Variants in THSD4 observed in about 807,000 individuals in gnomAD.
THSD4 encodes thrombospondin type-1 domain-containing protein 4.
In THSD4, 69 loss-of-function variants were observed where a neutral mutation model predicts 119.0. The ratio of observed to expected loss-of-function variants is 0.58; its 90% CI spans 0.48 to 0.71. The LOEUF is 0.71. Ranked by LOEUF, THSD4 falls within the 30% of genes least tolerant of loss-of-function variation. The pLI, the probability that THSD4 is intolerant of heterozygous loss-of-function variation, is 0.00. For missense variants in THSD4, 1,393 were observed against 1,391.1 expected, an observed-to-expected ratio of 1.00 and a Z score of -0.02; for synonymous variants, 524 against 540.4, an observed-to-expected ratio of 0.97 and a Z score of 0.42.
At chr15:71,301,446 A>C (rs957141230) in intron 6 of THSD4, among the ~76,000 whole-genome samples, 2 of 152,200 alleles carry the variant, frequency 1.3e-5, no homozygotes, top group African/African-American at 4.8e-5. Context: ...GCTATTTAAA[A>C]CAATGTGACT....
chr15:71,297,603 G>A (rs931656876), intron 6 of THSD4, among the ~76,000 whole-genome samples: 1 of 152,072 alleles, frequency 6.6e-6, no homozygotes, highest in African/African-American at 2.4e-5. Flanking sequence ...CAAAGTGCTG[G>A]GATTACAGAC....
At position 71,317,796 on chromosome 15, in the gene THSD4, A is replaced by G. The variant is rs895562530; in HGVS notation, c.1015+61081A>G. ...ACTTAGTATTGACATTTGACAAATT[A>G]CTCAGCCTCTTCCAGGTTTATTTTC... On this transcript the variant is annotated intron_variant, in intron 6 of 17. Transcript: ENST00000261862. Among the ~76,000 whole-genome samples the G allele has an allele frequency of 3.7e-4, 56 of 152,330 alleles. 1 individual carries two copies. The highest frequency in any genetic ancestry group is 1.3e-3 in the African/African-American group (55 of 41,572).
chr15:71,249,339 C>T (rs1400948847), intron 5 of THSD4, among the ~76,000 whole-genome samples: 1 of 150,886 alleles, frequency 6.6e-6, no homozygotes, highest in Non-Finnish European at 1.5e-5. Flanking sequence ...TATACACACA[C>T]TTTTATATAC....
chr15:71,481,003 A>C lies in THSD4; in HGVS notation c.1152+69180A>C, dbSNP rs2047722512. ...AATGTCAAATAGTATACAAAGTTTT[A>C]ATTTTTATGCCTGTGACCAGACCAC... On this transcript the variant is annotated intron_variant, in intron 7 of 17. Transcript: ENST00000261862. Among the ~76,000 whole-genome samples, 3 of 152,314 alleles carry C rather than the reference A, an allele frequency of 2.0e-5. No homozygotes were observed. In the South Asian group the frequency reaches 6.2e-4, roughly 32 times the overall value.
intron 7 of THSD4, among the ~76,000 whole-genome samples, chr15:71,422,767 C>A (rs911630375): frequency 1.1e-4 from 16 of 152,284 alleles, no homozygotes; most frequent in Middle Eastern, 3.4e-3. Flanking sequence ...TGTGTCCTTC[C>A]CTTTAGGGTG....
intron 7 of THSD4, among the ~76,000 whole-genome samples, chr15:71,442,658 G>A (rs7177167): frequency 0.19 from 5,986 of 31,226 alleles, 1,388 homozygotes; most frequent in South Asian, 0.28. Flanking sequence ...GTGTGTGTGT[G>A]TGTATATATA....
intron 3 of THSD4, among the ~76,000 whole-genome samples, chr15:71,172,746 A>AT (rs2043393554): frequency 9.4e-6 from 1 of 106,542 alleles, no homozygotes; most frequent in Non-Finnish European, 1.9e-5. Flanking sequence ...TGGACAATTG[A>AT]TTTTTTATAA....
intron 1 of THSD4, among the ~76,000 whole-genome samples, chr15:71,132,093 T>C (rs1433771988): frequency 6.6e-6 from 1 of 152,236 alleles, no homozygotes; most frequent in Non-Finnish European, 1.5e-5. Flanking sequence ...ATTGCAATCA[T>C]AGCATTATTG....
chr15:71,111,076 C>G, upstream of THSD4: 1 of 1,486,206 alleles, frequency 6.7e-7, no homozygotes, highest in Non-Finnish European at 9.0e-7. Context: ...TTATCATTTG[C>G]AAAGAGGAAA....
chr15:71,257,125 A>G (rs1230385705), intron 6 of THSD4, among the ~76,000 whole-genome samples: 4 of 152,112 alleles, frequency 2.6e-5, no homozygotes, highest in Non-Finnish European at 4.4e-5. Flanking sequence ...GGGGTTGTAC[A>G]GTTGTATGGT....
Position 71,203,975 on chromosome 15 carries a change from CCTCTGGGTCCAGAAGCCAGCA to C in THSD4, c.100-11055_100-11035del, listed in dbSNP as rs2043823720. 2.6e-5 allele frequency among the ~76,000 whole-genome samples: 4 copies of C among 152,186 alleles called. No homozygotes were observed. The South Asian group carries it at 8.3e-4, about 32-fold the overall frequency. On this transcript the variant is annotated intron_variant, in intron 3 of 17. Transcript: ENST00000261862. ...AGAAGATTGCTGTTCCCCGAATCAG[CCTCTGGGTCCAGAAGCCAGCA>C]CTCTTTATTTCATGCATTACTCATT...
upstream of THSD4, chr15:71,111,589 C>T (rs76640900): frequency 3.8e-3 from 2,340 of 622,674 alleles, 46 homozygotes; most frequent in African/African-American, 0.038. Flanking sequence ...TTGCTGGGCA[C>T]AGGCTTGCCT....
chr15:71,308,030 T>C (rs2045055553), intron 6 of THSD4, among the ~76,000 whole-genome samples: 1 of 152,148 alleles, frequency 6.6e-6, no homozygotes, highest in African/African-American at 2.4e-5. Context: ...GGGCCAGTCA[T>C]AGAAGCATGC....
chr15:71,189,827 G>A (rs974658511), intron 3 of THSD4, among the ~76,000 whole-genome samples: 1 of 152,084 alleles, frequency 6.6e-6, no homozygotes, highest in Admixed American at 6.5e-5. Flanking sequence ...CACAGATTCT[G>A]GGCTTCCACC....
intron 7 of THSD4, among the ~76,000 whole-genome samples, chr15:71,553,890 T>C (rs1052477993): frequency 8.5e-5 from 13 of 152,310 alleles, no homozygotes; most frequent in Admixed American, 6.5e-4. Context: ...CATGATTTCT[T>C]CATTAAATTT....
intron 6 of THSD4, among the ~76,000 whole-genome samples, chr15:71,268,780 G>A (rs1289220380): frequency 6.6e-6 from 1 of 151,770 alleles, no homozygotes; most frequent in African/African-American, 2.4e-5. Context: ...ATTATAAAGG[G>A]TAGATCACTG....
intron 8 of THSD4, among the ~76,000 whole-genome samples, chr15:71,724,215 T>C (rs1055836275): frequency 7.0e-6 from 1 of 143,608 alleles, no homozygotes; most frequent in Non-Finnish European, 1.5e-5. Context: ...AGAACAGTGA[T>C]GCAAGATAAG....
intron 3 of THSD4, among the ~76,000 whole-genome samples, chr15:71,173,590 A>C (rs950661605): frequency 6.8e-6 from 1 of 147,172 alleles, no homozygotes; most frequent in Admixed American, 6.9e-5. Flanking sequence ...ATATATATAC[A>C]TTTTTATATA....
At chr15:71,714,677 T>C (rs2052573545) in intron 8 of THSD4, among the ~76,000 whole-genome samples, 1 of 151,966 alleles carries the variant, frequency 6.6e-6, no homozygotes, top group Non-Finnish European at 1.5e-5. Context: ...TGAAACCCTG[T>C]CTCTCCTAAA....
Sources: allele counts gnomAD v4.1 joint callset (sites outside exome capture counted in the v4.1 genomes callset), GRCh38; gene constraint gnomAD v4.1.1; transcripts MANE v1.5; gene names NCBI Gene and HGNC (gene_info 2026-07-23, HGNC 2026-07-21).